The following PRR5L variants were observed in gnomAD, a reference collection of about 807,000 sequenced individuals.
The protein encoded by PRR5L is proline-rich protein 5-like.
Under a neutral mutation model 36.4 loss-of-function variants are expected in PRR5L, and 21 were observed. That is an observed-to-expected ratio of 0.58 (90% CI 0.41 to 0.83). The LOEUF (loss-of-function observed/expected upper bound fraction) is 0.83, where lower values mean the gene tolerates loss of function less well. Ranked by LOEUF, PRR5L falls within the 40% of genes least tolerant of loss-of-function variation. The pLI, the probability that PRR5L is intolerant of heterozygous loss-of-function variation, is 0.00. For synonymous variants in PRR5L, 188 were observed against 197.0 expected (o/e 0.95, Z 0.38); for missense variants, 381 against 473.3 (o/e 0.80, Z 1.81).
chr11:36,437,782 A>G (rs1590590560), intron 6 of PRR5L, among the ~76,000 whole-genome samples: 1 of 151,864 alleles, frequency 6.6e-6, no homozygotes, highest in East Asian at 1.9e-4. Context: ...AAGATGGGGG[A>G]AGGGAGATTT....
intron 1 of PRR5L, chr11:36,376,258 G>A (rs1288740142): frequency 3.2e-6 from 4 of 1,231,662 alleles, no homozygotes; most frequent in Non-Finnish European, 3.2e-6. Context: ...GGACATTGGA[G>A]AGACACTAAA....
intron 1 of PRR5L, among the ~76,000 whole-genome samples, chr11:36,330,881 T>C (rs547998229): frequency 1.5e-4 from 23 of 152,084 alleles, no homozygotes; most frequent in Non-Finnish European, 2.6e-4. Flanking sequence ...TCTCGGCTCA[T>C]TGCAACCTTC....
At chr11:36,326,847 G>C (rs75750706) in intron 1 of PRR5L, among the ~76,000 whole-genome samples, 14,630 of 152,186 alleles carry the variant, frequency 0.096, 1,293 homozygotes, top group African/African-American at 0.24. Flanking sequence ...ATGGTAAGTG[G>C]TTGTTAACAC....
intron 1 of PRR5L, among the ~76,000 whole-genome samples, chr11:36,378,990 A>G (rs1422171314): frequency 6.6e-6 from 1 of 152,222 alleles, no homozygotes; most frequent in Non-Finnish European, 1.5e-5. Flanking sequence ...CTCACGTTAT[A>G]GTTGATTAGA....
Position 36,377,719 on chromosome 11 carries a change from T to C in PRR5L, c.-125-23278T>C, listed in dbSNP as rs2133521656. On this transcript the variant is annotated intron_variant, in intron 1 of 8. Transcript: ENST00000530639. This position sits in a 1 kb window ranked among gnomAD's most constrained non-coding sequence, Gnocchi z 5.1. ...AGCCCGCGTTTTGTTTGTCAGCAGTTAGGCGGTGAGTATTTATAGACGCCA... is the reference window on the plus strand; with the variant it reads ...AGCCCGCGTTTTGTTTGTCAGCAGTCAGGCGGTGAGTATTTATAGACGCCA... 6.6e-6 allele frequency: 1 copy of C among 152,658 alleles called. No homozygotes were observed. Among genetic ancestry groups the C allele is most frequent in the Non-Finnish European group, 1.5e-5 (1 of 68,300 alleles). The allele number at this position is 152,658 out of a possible 1,614,324, so 9.5% of individuals were successfully genotyped here. A position where few individuals can be genotyped will look rare whatever the true frequency, so the allele number is the denominator to read the frequency against.
intron 1 of PRR5L, among the ~76,000 whole-genome samples, chr11:36,391,873 G>A (rs571285271): frequency 1.3e-5 from 2 of 152,266 alleles, no homozygotes; most frequent in East Asian, 3.9e-4. Flanking sequence ...ATAGTTGACT[G>A]TAGTCACCCT....
intron 1 of PRR5L, among the ~76,000 whole-genome samples, chr11:36,323,185 G>A (rs11821536): frequency 0.06 from 9,123 of 152,150 alleles, 474 homozygotes; most frequent in African/African-American, 0.13. Context: ...AGGATTCTGG[G>A]TGGCTACCAT....
At chr11:36,459,621 G>A (rs1176669048) in intron 8 of PRR5L, among the ~76,000 whole-genome samples, 1 of 152,308 alleles carries the variant, frequency 6.6e-6, no homozygotes, top group African/African-American at 2.4e-5. Flanking sequence ...TTCCCCATCT[G>A]TAAGGTGGCA....
chr11:36,449,795 G>C (rs1394252856), intron 7 of PRR5L, among the ~76,000 whole-genome samples: 1 of 152,212 alleles, frequency 6.6e-6, no homozygotes, highest in Non-Finnish European at 1.5e-5. Context: ...CACCTTCCTA[G>C]AGGGCTGTGC....
At chr11:36,323,040 A>G (rs2133465677) in intron 1 of PRR5L, among the ~76,000 whole-genome samples, 1 of 152,302 alleles carries the variant, frequency 6.6e-6, no homozygotes, top group East Asian at 1.9e-4. Flanking sequence ...CCTTGATTTC[A>G]GTGTTCCAGC....
chr11:36,399,778 T>C (rs1393411289), intron 1 of PRR5L, among the ~76,000 whole-genome samples: 3 of 152,222 alleles, frequency 2.0e-5, no homozygotes, highest in African/African-American at 4.8e-5. Flanking sequence ...ATTTAGACTT[T>C]AGAGTCACTA....
chr11:36,312,532 C>A (rs895800330), intron 1 of PRR5L, among the ~76,000 whole-genome samples: 1 of 152,200 alleles, frequency 6.6e-6, no homozygotes, highest in African/African-American at 2.4e-5. Context: ...ACCAGCTGTT[C>A]ATTGCCACTC....
In PRR5L at chr11:36,377,487, G is replaced by T. The variant is rs1857287834; in HGVS notation, c.-125-23510G>T. 1 of 152,308 alleles carries T rather than the reference G, an allele frequency of 6.6e-6. No individual in the cohort carries two copies. Among genetic ancestry groups the T allele is most frequent in the Non-Finnish European group, 1.5e-5 (1 of 68,100 alleles). The allele number at this position is 152,308 out of a possible 1,614,324, so 9.4% of individuals were successfully genotyped here. A position where few individuals can be genotyped will look rare whatever the true frequency, so the allele number is the denominator to read the frequency against. On this transcript the variant is annotated intron_variant, in intron 1 of 8. Transcript: ENST00000530639. The surrounding 1 kb of genome is among the most constrained non-coding windows in gnomAD (Gnocchi z 5.1). ...GGGGCGCTCTAGGGGCCCCGCCCGG[G>T]CAGCTGGGACCCTGCCTGCCCAACC...
intron 5 of PRR5L, among the ~76,000 whole-genome samples, chr11:36,432,995 TG>T (rs1308154831): frequency 2.0e-5 from 3 of 152,206 alleles, no homozygotes; most frequent in African/African-American, 7.2e-5. Context: ...GAGAGTTGGC[TG>T]AACCTGTAGC....
chr11:36,428,863 T>C (rs1337429464), intron 4 of PRR5L, among the ~76,000 whole-genome samples: 21 of 151,930 alleles, frequency 1.4e-4, no homozygotes, highest in Non-Finnish European at 8.8e-5. Flanking sequence ...ATTTTGACTG[T>C]AGGACTGGGG....
intron 1 of PRR5L, among the ~76,000 whole-genome samples, chr11:36,318,880 A>G (rs563531190): frequency 6.6e-6 from 1 of 152,316 alleles, no homozygotes; most frequent in South Asian, 2.1e-4. Flanking sequence ...CAGAGGCTTA[A>G]ACATAACAAA....
intron 5 of PRR5L, among the ~76,000 whole-genome samples, chr11:36,435,121 A>G (rs372191397): frequency 6.6e-5 from 10 of 152,210 alleles, no homozygotes; most frequent in South Asian, 2.1e-4. Context: ...GGGGTAAATT[A>G]TCCAGGTGCT....
intron 4 of PRR5L, among the ~76,000 whole-genome samples, chr11:36,429,813 G>A (rs938755342): frequency 2.0e-5 from 3 of 152,314 alleles, no homozygotes; most frequent in South Asian, 2.1e-4. Context: ...GAAGCATTCA[G>A]GTGGAGTGGT....
intron 4 of PRR5L, among the ~76,000 whole-genome samples, chr11:36,423,908 C>G (rs1002958364): frequency 6.6e-6 from 1 of 152,208 alleles, no homozygotes. Flanking sequence ...GGGAGCCAGA[C>G]TGGGGGCTTC....
Sources: gnomAD v4.1 joint callset for allele counts (sites outside exome capture counted in the v4.1 genomes callset) on GRCh38, gnomAD v4.1.1 for gene constraint, Gnocchi (gnomAD v3.1) non-coding constraint, MANE v1.5 for transcripts, NCBI Gene and HGNC (gene_info 2026-07-23, HGNC 2026-07-21) for gene names.